CEP112: variants seen among roughly 807,000 people sequenced by gnomAD.
The protein encoded by CEP112 is centrosomal protein of 112 kDa.
CEP112 carries 127 observed loss-of-function variants against 153.0 expected under a neutral mutation model. The ratio of observed to expected loss-of-function variants is 0.83; its 90% CI spans 0.72 to 0.96. The LOEUF (loss-of-function observed/expected upper bound fraction) is 0.96. Among genes scored for constraint, CEP112 ranks in the 40% least tolerant of loss-of-function variants. The pLI is 0.00. For synonymous variants in CEP112, 358 were observed against 374.4 expected, an observed-to-expected ratio of 0.96 and a Z score of 0.51; for missense variants, 1,089 against 1,101.2, an observed-to-expected ratio of 0.99 and a Z score of 0.16.
intron 8 of CEP112, among the ~76,000 whole-genome samples, chr17:66,091,506 C>T (rs111946338): frequency 0.011 from 1,655 of 151,860 alleles, 32 homozygotes; most frequent in African/African-American, 0.038. Flanking sequence ...AAAATAAAAA[C>T]ACAACATACA....
chr17:66,153,597 C>T (rs576440027), intron 4 of CEP112, among the ~76,000 whole-genome samples: 6 of 151,936 alleles, frequency 3.9e-5, no homozygotes, highest in South Asian at 2.1e-4. Flanking sequence ...TCAACATGCA[C>T]GCACACATGC....
intron 10 of CEP112, among the ~76,000 whole-genome samples, chr17:66,065,410 G>C (rs1279214526): frequency 6.6e-6 from 1 of 151,954 alleles, no homozygotes; most frequent in Admixed American, 6.6e-5. Flanking sequence ...ACTCCATTCT[G>C]CCTCTGCCTA....
chr17:65,920,362 A>ACAAACAAAAAAAAAATAT (rs1230889770), intron 19 of CEP112, among the ~76,000 whole-genome samples: 5 of 42,784 alleles, frequency 1.2e-4, no homozygotes, highest in African/African-American at 4.3e-4. Flanking sequence ...AAACAAACAA[A>ACAAACAAAAAAAAAATAT]ATATATATAT....
intron 22 of CEP112, among the ~76,000 whole-genome samples, chr17:65,746,791 C>T (rs140525053): frequency 6.6e-6 from 1 of 152,030 alleles, no homozygotes; most frequent in East Asian, 1.9e-4. Flanking sequence ...CTAATATATA[C>T]AATCATAATC....
At chr17:65,669,693 G>T (rs2046872283) in intron 24 of CEP112, among the ~76,000 whole-genome samples, 1 of 152,158 alleles carries the variant, frequency 6.6e-6, no homozygotes, top group Non-Finnish European at 1.5e-5. Context: ...CACGAGGTCA[G>T]GAGATCGAGA....
At chr17:65,892,320 T>C (rs1053293140) in intron 20 of CEP112, among the ~76,000 whole-genome samples, 1 of 152,210 alleles carries the variant, frequency 6.6e-6, no homozygotes, top group Non-Finnish European at 1.5e-5. Context: ...GATTTACATA[T>C]TATCTGAAGG....
chr17:66,036,069 G>C (rs957269067), intron 12 of CEP112, among the ~76,000 whole-genome samples: 3 of 152,220 alleles, frequency 2.0e-5, no homozygotes, highest in African/African-American at 7.2e-5. Flanking sequence ...GTTACAACTT[G>C]AGTGAATCTT....
chr17:65,727,676 G>A (rs1339664212), intron 23 of CEP112, among the ~76,000 whole-genome samples: 3 of 152,180 alleles, frequency 2.0e-5, no homozygotes, highest in African/African-American at 7.2e-5. Context: ...CAATTTGGAA[G>A]GGAAGATCAC....
intron 20 of CEP112, among the ~76,000 whole-genome samples, chr17:65,884,663 C>G (rs919209257): frequency 2.0e-5 from 3 of 148,808 alleles, no homozygotes; most frequent in Admixed American, 2.0e-4. Context: ...TATACATATT[C>G]GGAATTTATT....
At chr17:65,660,296 TCTC>T (rs1377407963) in intron 24 of CEP112, among the ~76,000 whole-genome samples, 1 of 143,346 alleles carries the variant, frequency 7.0e-6, no homozygotes, top group East Asian at 2.2e-4. Context: ...CCTCCCTCCT[TCTC>T]TTTTCTCTCT....
At chr17:65,901,657 G>A (rs2059855026) in intron 20 of CEP112, among the ~76,000 whole-genome samples, 1 of 151,918 alleles carries the variant, frequency 6.6e-6, no homozygotes, top group Non-Finnish European at 1.5e-5. Flanking sequence ...GCCCTTCTCT[G>A]GAGTCATTTT....
intron 6 of CEP112, among the ~76,000 whole-genome samples, chr17:66,118,437 A>G (rs2146432827): frequency 6.6e-6 from 1 of 152,216 alleles, no homozygotes; most frequent in South Asian, 2.1e-4. Context: ...ATGTTAAATG[A>G]AATAAGGCAA....
chr17:65,919,826 C>A (rs1051615201), intron 19 of CEP112, among the ~76,000 whole-genome samples: 13 of 152,174 alleles, frequency 8.5e-5, no homozygotes, highest in African/African-American at 2.9e-4. Context: ...TACCTTGAAA[C>A]AATTCAAAAT....
chr17:65,739,397 A>AT (rs1462745360), intron 23 of CEP112, among the ~76,000 whole-genome samples: 2 of 152,160 alleles, frequency 1.3e-5, no homozygotes, highest in African/African-American at 2.4e-5. Flanking sequence ...GATAAAGAAG[A>AT]TTTTTTTGCT....
In CEP112 at chr17:66,130,226, C is replaced by CA. The variant is rs922732155; in HGVS notation, c.565-404dup. ...ATATATTCACACAGCAACTAAATTT[C>CA]AAAAAAAAAAAAATTAAAAATTAAT... On this transcript the variant is annotated intron_variant, in intron 5 of 26. Coordinates refer to ENST00000535342, the MANE Select transcript of CEP112 (RefSeq NM_001199165.4). Among the ~76,000 whole-genome samples, 164 of 132,726 alleles carry CA rather than the reference C, an allele frequency of 1.2e-3. 1 individual carries two copies. The highest frequency in any genetic ancestry group is 1.8e-3 in the African/African-American group (65 of 35,906). 87.1% of individuals were successfully genotyped at this position (132,726 alleles called of 152,430 possible). A position where few individuals can be genotyped will look rare whatever the true frequency, so the allele number is the denominator to read the frequency against.
At chr17:65,835,973 T>A (rs2057291450) in intron 21 of CEP112, among the ~76,000 whole-genome samples, 1 of 152,180 alleles carries the variant, frequency 6.6e-6, no homozygotes, top group Non-Finnish European at 1.5e-5. Context: ...AAAAATGTGG[T>A]GAAGGGGATG....
chr17:66,011,232 C>T (rs766538191), intron 16 of CEP112, among the ~76,000 whole-genome samples: 10 of 151,928 alleles, frequency 6.6e-5, no homozygotes, highest in Admixed American at 2.6e-4. Context: ...CCTTCAGTTC[C>T]GTTCTACTTT....
chr17:65,991,094 T>A (rs2063578056), intron 17 of CEP112, among the ~76,000 whole-genome samples: 1 of 152,234 alleles, frequency 6.6e-6, no homozygotes, highest in Non-Finnish European at 1.5e-5. Flanking sequence ...CACAACCTTC[T>A]ATTACAATGG....
chr17:65,808,527 C>T (rs775055306), intron 21 of CEP112, among the ~76,000 whole-genome samples: 2 of 152,052 alleles, frequency 1.3e-5, no homozygotes, highest in African/African-American at 2.4e-5. Flanking sequence ...GTAATCCTCA[C>T]GTGTCAGGGG....
Sources: gnomAD v4.1 joint callset for allele counts (sites outside exome capture counted in the v4.1 genomes callset) on GRCh38, gnomAD v4.1.1 for gene constraint, MANE v1.5 for transcripts, NCBI Gene and HGNC (gene_info 2026-07-23, HGNC 2026-07-21) for gene names.